The following ELP3 variants were observed in gnomAD, a reference collection of about 807,000 sequenced individuals.
ELP3 encodes elongator complex protein 3.
A neutral mutation model predicts 74.9 loss-of-function variants in ELP3; 56 were observed. That is an observed-to-expected ratio of 0.75 (90% CI 0.60 to 0.93). The LOEUF (loss-of-function observed/expected upper bound fraction) is 0.93, where lower values mean the gene tolerates loss of function less well. ELP3 is among the 40% of genes least tolerant of loss of function. The probability of loss-of-function intolerance (pLI) is 0.00; values close to 1 mark genes in which losing one functional copy is unlikely to be tolerated. For synonymous variants in ELP3, 222 were observed against 239.8 expected, an observed-to-expected ratio of 0.93 and a Z score of 0.68; for missense variants, 573 against 686.5, an observed-to-expected ratio of 0.83 and a Z score of 1.85.
At chr8:28,166,917 C>T (rs959792732) in intron 14 of ELP3, among the ~76,000 whole-genome samples, 5 of 152,196 alleles carry the variant, frequency 3.3e-5, no homozygotes, top group African/African-American at 1.2e-4. Context: ...ATTCCCCAAG[C>T]TCGTCTGACT....
intron 14 of ELP3, among the ~76,000 whole-genome samples, chr8:28,163,210 C>A (rs769681861): frequency 6.6e-6 from 1 of 152,144 alleles, no homozygotes; most frequent in African/African-American, 2.4e-5. Context: ...TTACAGAAAT[C>A]GCTGTTCCCA....
chr8:28,096,461 T>C (rs1248702515), intron 1 of ELP3, among the ~76,000 whole-genome samples: 1 of 152,228 alleles, frequency 6.6e-6, no homozygotes, highest in Non-Finnish European at 1.5e-5. Context: ...TCCAAGCTGA[T>C]ATCCCACAGC....
intron 6 of ELP3, 60 bp from the exon 7 acceptor site, chr8:28,112,959 C>G: frequency 1.4e-6 from 2 of 1,461,144 alleles, no homozygotes; most frequent in Admixed American, 4.2e-5. Flanking sequence ...ATTTGCAATG[C>G]CTTCTTAGAG....
At chr8:28,144,197 C>T (rs1813346782) in intron 10 of ELP3, among the ~76,000 whole-genome samples, 1 of 152,130 alleles carries the variant, frequency 6.6e-6, no homozygotes, top group African/African-American at 2.4e-5. Flanking sequence ...TCCTCTCACC[C>T]AAACGAATAG....
intron 4 of ELP3, among the ~76,000 whole-genome samples, chr8:28,107,017 G>C (rs1811724776): frequency 1.3e-5 from 2 of 152,204 alleles, no homozygotes; most frequent in Admixed American, 1.3e-4. Context: ...GGGAGGCTGA[G>C]GCAGGTGGAT....
At chr8:28,090,831 G>A (rs989696405), upstream of ELP3, among the ~76,000 whole-genome samples, 1 of 152,020 alleles carries the variant, frequency 6.6e-6, no homozygotes, top group African/African-American at 2.4e-5. Context: ...CAGAGTTGTG[G>A]AGACTAAGGT....
At chr8:28,187,353 A>C (rs1419811974) in intron 14 of ELP3, among the ~76,000 whole-genome samples, 6 of 152,180 alleles carry the variant, frequency 3.9e-5, no homozygotes, top group Non-Finnish European at 8.8e-5. Context: ...CTCACATGTG[A>C]CAGGCATCAC....
chr8:28,176,440 G>GGTAA (rs1814756917), intron 14 of ELP3, among the ~76,000 whole-genome samples: 1 of 152,112 alleles, frequency 6.6e-6, no homozygotes, highest in Non-Finnish European at 1.5e-5. Context: ...CCAGCCAGCT[G>GGTAA]CTCCAGGAAA....
At chr8:28,189,536 G>A in intron 14 of ELP3, 113 bp from the exon 15 acceptor site, 1 of 863,234 alleles carries the variant, frequency 1.2e-6, no homozygotes, top group Non-Finnish European at 1.9e-6. Flanking sequence ...GATTTTATGT[G>A]GGAGAGAATT....
intron 3 of ELP3, among the ~76,000 whole-genome samples, chr8:28,103,043 G>A (rs540965969): frequency 5.3e-5 from 8 of 152,264 alleles, no homozygotes; most frequent in South Asian, 2.1e-4. Context: ...GGTGGCGGGC[G>A]CCTGTAATCC....
At chr8:28,180,143 G>A (rs1259851173) in intron 14 of ELP3, among the ~76,000 whole-genome samples, 4 of 152,044 alleles carry the variant, frequency 2.6e-5, no homozygotes, top group Non-Finnish European at 4.4e-5. Context: ...GGGCTTCCTT[G>A]GGCTTCTTTA....
intron 7 of ELP3, among the ~76,000 whole-genome samples, chr8:28,127,952 A>G (rs1029531814): frequency 3.3e-5 from 5 of 152,224 alleles, no homozygotes; most frequent in Non-Finnish European, 5.9e-5. Flanking sequence ...TTGGCAATAA[A>G]TAAGTCCGTT....
At chr8:28,160,835 C>T (rs1814055659) in intron 13 of ELP3, among the ~76,000 whole-genome samples, 1 of 152,124 alleles carries the variant, frequency 6.6e-6, no homozygotes, top group Admixed American at 6.5e-5. Context: ...GCTGGGATTA[C>T]AGGTGTGCAC....
At chr8:28,127,112 G>T (rs562446200) in intron 7 of ELP3, among the ~76,000 whole-genome samples, 1 of 152,114 alleles carries the variant, frequency 6.6e-6, no homozygotes, top group Non-Finnish European at 1.5e-5. Context: ...TTTTGAAATG[G>T]AGTTAAATTA....
At chr8:28,106,826 A>G (rs1811716364) in intron 4 of ELP3, 43 bp downstream of exon 4, 2 of 1,492,474 alleles carry the variant, frequency 1.3e-6, no homozygotes, top group Non-Finnish European at 1.9e-6. Flanking sequence ...TGTTTTAATT[A>G]AGCTAAATAT....
chr8:28,094,418 C>G (rs1811170256), intron 1 of ELP3, among the ~76,000 whole-genome samples: 1 of 152,186 alleles, frequency 6.6e-6, no homozygotes, highest in South Asian at 2.1e-4. Flanking sequence ...GAAATGGGCA[C>G]TCAAAAGTTG....
intron 3 of ELP3, among the ~76,000 whole-genome samples, chr8:28,102,646 C>T (rs1395135347): frequency 3.3e-5 from 5 of 152,176 alleles, no homozygotes; most frequent in African/African-American, 7.2e-5. Flanking sequence ...AAAATTTATA[C>T]ACTTCCTCTA....
chr8:28,097,147 G>GCTA, intron 1 of ELP3, 72 bp from the exon 2 acceptor site: 1 of 1,001,442 alleles, frequency 1.0e-6, no homozygotes, highest in Non-Finnish European at 1.5e-6. Flanking sequence ...ATGGAAAACT[G>GCTA]CTACTAAATC....
chr8:28,119,017 A>G (rs1812246037), intron 7 of ELP3: 1 of 152,292 alleles, frequency 6.6e-6, no homozygotes, highest in South Asian at 2.1e-4. Context: ...CTGCAACGGA[A>G]GCAAAAGGAA....
Sources: allele counts gnomAD v4.1 joint callset (sites outside exome capture counted in the v4.1 genomes callset), GRCh38; gene constraint gnomAD v4.1.1; transcripts MANE v1.5; gene names NCBI Gene and HGNC (gene_info 2026-07-23, HGNC 2026-07-21).